Variants in TMPRSS9 observed in about 807,000 individuals in gnomAD.
The protein encoded by TMPRSS9 is transmembrane serine protease 9.
TMPRSS9 carries 113 observed loss-of-function variants against 111.4 expected under a neutral mutation model. The ratio of observed to expected loss-of-function variants is 1.01; its 90% CI spans 0.87 to 1.19. The LOEUF is 1.19. Ranked by LOEUF, TMPRSS9 falls within the 50% of genes most tolerant of loss-of-function variation. TMPRSS9 has a pLI of 0.00. For missense variants in TMPRSS9, 1,803 were observed against 1,513.1 expected (o/e 1.19, Z -3.18); for synonymous variants, 805 against 659.1 (o/e 1.22, Z -3.39).
At chr19:2,375,023 G>A (rs1970320996) in intron 1 of TMPRSS9, among the ~76,000 whole-genome samples, 1 of 152,164 alleles carries the variant, frequency 6.6e-6, no homozygotes, top group African/African-American at 2.4e-5. Context: ...GACTCACTCT[G>A]GTGTCTGCTG....
At chr19:2,387,260 C>T (rs944704849), upstream of TMPRSS9, among the ~76,000 whole-genome samples, 2 of 151,952 alleles carry the variant, frequency 1.3e-5, no homozygotes, top group Non-Finnish European at 2.9e-5. Context: ...TTTGGGAGGC[C>T]GAGGTGGGTG....
chr19:2,363,337 A>G (rs1223173290), intron 1 of TMPRSS9, among the ~76,000 whole-genome samples: 3 of 152,160 alleles, frequency 2.0e-5, no homozygotes, highest in African/African-American at 7.2e-5. Context: ...GAGAGCTTGC[A>G]GGAACGCTGG....
At chr19:2,391,566 A>G (rs1568175824) in intron 1 of TMPRSS9, among the ~76,000 whole-genome samples, 1 of 147,698 alleles carries the variant, frequency 6.8e-6, no homozygotes, top group East Asian at 2.0e-4. Context: ...TTGTGCATGC[A>G]TGTGTGTGTC....
intron 12 of TMPRSS9, among the ~76,000 whole-genome samples, chr19:2,417,653 A>G (rs962979544): frequency 1.3e-4 from 20 of 152,044 alleles, no homozygotes; most frequent in Non-Finnish European, 2.1e-4. Context: ...GTCTCAAAAA[A>G]CAAAAAAAGC....
At chr19:2,370,503 A>AT (rs1377461970) in intron 1 of TMPRSS9, among the ~76,000 whole-genome samples, 2 of 148,902 alleles carry the variant, frequency 1.3e-5, no homozygotes, top group East Asian at 2.0e-4. Flanking sequence ...CATTATTTTT[A>AT]TTTTTTGTGG....
intron 6 of TMPRSS9, among the ~76,000 whole-genome samples, chr19:2,404,931 C>CAAA (rs1044091377): frequency 1.3e-5 from 1 of 76,794 alleles, no homozygotes; most frequent in African/African-American, 4.5e-5. Flanking sequence ...GACTCCATCT[C>CAAA]AAAAAAAAAA....
intron 10 of TMPRSS9, 113 bp from the exon 12 acceptor site, chr19:2,415,557 G>T (rs1196733145): frequency 9.9e-7 from 1 of 1,011,232 alleles, no homozygotes; most frequent in Admixed American, 3.3e-5. Flanking sequence ...GAACGGGAGG[G>T]ATTGCGGCAT....
intron 1 of TMPRSS9, among the ~76,000 whole-genome samples, chr19:2,364,857 G>C (rs1970236095): frequency 6.6e-6 from 1 of 151,938 alleles, no homozygotes; most frequent in Non-Finnish European, 1.5e-5. Context: ...CCTGGTGGCG[G>C]GCGCCTGTAA....
chr19:2,372,629 G>T (rs546479043), intron 1 of TMPRSS9, among the ~76,000 whole-genome samples: 5 of 152,284 alleles, frequency 3.3e-5, no homozygotes, highest in African/African-American at 1.2e-4. Context: ...ACGCTCGCTT[G>T]TCTGAGACCG....
chr19:2,425,961 C>T, exon 18 of TMPRSS9: 1 of 1,605,996 alleles, frequency 6.2e-7, no homozygotes, highest in Non-Finnish European at 8.5e-7. Flanking sequence ...TGCAGGGAGC[C>T]CTCTGGACGG....
intron 1 of TMPRSS9, among the ~76,000 whole-genome samples, chr19:2,379,617 CTTT>C (rs1568170716): frequency 2.1e-4 from 22 of 103,892 alleles, no homozygotes; most frequent in Non-Finnish European, 3.6e-4. Flanking sequence ...CTTTCTTTCT[CTTT>C]CTTTCTTTCT....
At chr19:2,371,654 G>A (rs1294317528) in intron 1 of TMPRSS9, among the ~76,000 whole-genome samples, 2 of 151,880 alleles carry the variant, frequency 1.3e-5, no homozygotes, top group Non-Finnish European at 2.9e-5. Flanking sequence ...CCAACATCGT[G>A]CCACTGCACT....
chr19:2,390,239 T>G (rs963786149), intron 1 of TMPRSS9, among the ~76,000 whole-genome samples: 2 of 130,846 alleles, frequency 1.5e-5, no homozygotes, highest in Non-Finnish European at 3.2e-5. Flanking sequence ...TAGTTTTTTT[T>G]TTTGTTTTTT....
exon 12 of TMPRSS9, chr19:2,416,598 G>C (rs1276698208): frequency 6.2e-7 from 1 of 1,612,382 alleles, no homozygotes; most frequent in Admixed American, 1.7e-5. Context: ...GCCTGGGCGG[G>C]AGCCCGGTGA....
In TMPRSS9 at chr19:2,415,851, G is replaced by C. The variant is rs370568818; in HGVS notation, c.1745+10G>C. 1 of 1,565,566 alleles carries C rather than the reference G, an allele frequency of 6.4e-7. No individual in the cohort carries two copies. The highest frequency in any genetic ancestry group is 8.7e-7 in the Non-Finnish European group (1 of 1,150,962). ...CCCACTGCTTCAACCAGTAAGGCCC[G>C]CCTCCTCCAGGAAGGCTGCCCGGCT... is the stretch of plus-strand genomic sequence containing the variant. On this transcript the variant is annotated intron_variant, in intron 11 of 17. Coordinates refer to ENST00000648592, the Ensembl canonical transcript of TMPRSS9.
At chr19:2,419,732 G>T (rs865783620) in intron 13 of TMPRSS9, among the ~76,000 whole-genome samples, 1 of 151,928 alleles carries the variant, frequency 6.6e-6, no homozygotes, top group Non-Finnish European at 1.5e-5. Context: ...GGCCAGGCTG[G>T]TCTCGAACTC....
chr19:2,411,933 G>T (rs1195765898), intron 9 of TMPRSS9, among the ~76,000 whole-genome samples: 1 of 152,132 alleles, frequency 6.6e-6, no homozygotes, highest in Admixed American at 6.6e-5. Flanking sequence ...TCCTGTTCTT[G>T]TTTCGTGGAT....
intron 1 of TMPRSS9, among the ~76,000 whole-genome samples, chr19:2,379,653 CTTTCTTTCT>C (rs906272702): frequency 5.4e-5 from 8 of 149,290 alleles, no homozygotes; most frequent in African/African-American, 2.0e-4. Context: ...TTCTTTCTTT[CTTTCTTTCT>C]TTCTTTCTTT....
At chr19:2,401,433 C>A (rs573414217) in intron 4 of TMPRSS9, among the ~76,000 whole-genome samples, 1 of 152,164 alleles carries the variant, frequency 6.6e-6, no homozygotes, top group South Asian at 2.1e-4. Flanking sequence ...GTTTGGTGGC[C>A]GTCCGAGCCC....
Sources: gnomAD v4.1 joint callset for allele counts (sites outside exome capture counted in the v4.1 genomes callset) on GRCh38, gnomAD v4.1.1 for gene constraint, MANE v1.5 for transcripts, NCBI Gene and HGNC (gene_info 2026-07-23, HGNC 2026-07-21) for gene names.